The following KIAA1217 variants were observed in gnomAD, a reference collection of about 807,000 sequenced individuals.
The protein encoded by KIAA1217 is KIAA1217.
In KIAA1217, 88 loss-of-function variants were observed where a neutral mutation model predicts 163.9. That is an observed-to-expected ratio of 0.54 (90% CI 0.45 to 0.64). The LOEUF is 0.64. Among genes scored for constraint, KIAA1217 ranks in the 30% least tolerant of loss-of-function variants. The probability of loss-of-function intolerance (pLI) is 0.00; values close to 1 mark genes in which losing one functional copy is unlikely to be tolerated. For missense variants in KIAA1217, 2,372 were observed against 2,475.0 expected, an observed-to-expected ratio of 0.96 and a Z score of 0.88; for synonymous variants, 903 against 923.1, an observed-to-expected ratio of 0.98 and a Z score of 0.39.
chr10:23,998,959 G>T, intron 1 of KIAA1217, among the ~76,000 whole-genome samples: 1 of 106,022 alleles, frequency 9.4e-6, no homozygotes, highest in South Asian at 3.0e-4. Context: ...CACAACAGAT[G>T]GTATATTTGG....
chr10:24,298,510 G>A (rs897490651), intron 2 of KIAA1217, among the ~76,000 whole-genome samples: 11 of 152,122 alleles, frequency 7.2e-5, no homozygotes, highest in African/African-American at 2.7e-4. Flanking sequence ...AGAAATAGGA[G>A]TAGCGAGCCG....
At chr10:23,782,865 C>T (rs1419486406) in intron 1 of KIAA1217, among the ~76,000 whole-genome samples, 1 of 152,108 alleles carries the variant, frequency 6.6e-6, no homozygotes, top group Non-Finnish European at 1.5e-5. Context: ...AGTACTTCTA[C>T]TATTATGTTG....
At chr10:24,118,106 TCTATAACAAACCTGCA>T (rs2063130192) in intron 2 of KIAA1217, among the ~76,000 whole-genome samples, 1 of 149,398 alleles carries the variant, frequency 6.7e-6, no homozygotes, top group South Asian at 2.1e-4. Flanking sequence ...TGAATTTACC[TCTATAACAAACCTGCA>T]CATGTACCCC....
chr10:24,439,663 T>TC (rs1564682803), intron 5 of KIAA1217, among the ~76,000 whole-genome samples: 11 of 151,776 alleles, frequency 7.2e-5, no homozygotes, highest in African/African-American at 2.7e-4. Context: ...TTTTTTTTTT[T>TC]TCCCCCAACT....
chr10:24,100,545 CT>C (rs1349115252), intron 2 of KIAA1217, among the ~76,000 whole-genome samples: 1 of 152,154 alleles, frequency 6.6e-6, no homozygotes, highest in Non-Finnish European at 1.5e-5. Flanking sequence ...AAATAGGGTG[CT>C]TTCTCACTCT....
intron 1 of KIAA1217, among the ~76,000 whole-genome samples, chr10:23,747,102 T>C (rs988912151): frequency 6.6e-6 from 1 of 152,174 alleles, no homozygotes; most frequent in Non-Finnish European, 1.5e-5. Context: ...CTATCTCATT[T>C]GATAAAGCAC....
chr10:23,779,200 A>G (rs1180486994), intron 1 of KIAA1217, among the ~76,000 whole-genome samples: 1 of 152,190 alleles, frequency 6.6e-6, no homozygotes, highest in East Asian at 1.9e-4. Context: ...GTGGATCGCT[A>G]GAATTAGTAA....
chr10:24,136,269 C>T (rs2131820514), intron 2 of KIAA1217, among the ~76,000 whole-genome samples: 1 of 152,206 alleles, frequency 6.6e-6, no homozygotes, highest in Middle Eastern at 3.4e-3. Context: ...GTAATTGATG[C>T]TTGCAAAGAT....
intron 1 of KIAA1217, among the ~76,000 whole-genome samples, chr10:24,219,049 G>A (rs986701504): frequency 3.9e-5 from 6 of 152,074 alleles, no homozygotes; most frequent in African/African-American, 1.4e-4. Context: ...TTACAGACAA[G>A]GATAAGGAAT....
chr10:23,831,075 A>C (rs1253025301), intron 1 of KIAA1217, among the ~76,000 whole-genome samples: 1 of 152,080 alleles, frequency 6.6e-6, no homozygotes, highest in African/African-American at 2.4e-5. Context: ...TGACTCCTGA[A>C]TAATTACCAG....
In KIAA1217 at chr10:23,739,560, G is replaced by T. The variant is rs186508865; in HGVS notation, c.-321+44326G>T. 3.0e-3 allele frequency among the ~76,000 whole-genome samples: 455 copies of T among 152,262 alleles called. 3 individuals carry two copies. Among genetic ancestry groups the T allele is most frequent in the Non-Finnish European group, 2.0e-3 (136 of 68,014 alleles). Reference sequence around the variant, plus strand: ...GAGGGTGAGAAGTGATGTCAGAGAGGGACAAGGGATGAGGTCCAGTGAAAA... The same window carrying T: ...GAGGGTGAGAAGTGATGTCAGAGAGTGACAAGGGATGAGGTCCAGTGAAAA... On this transcript the variant is annotated intron_variant, in intron 1 of 18. Coordinates refer to the KIAA1217 transcript ENST00000376462.
chr10:23,980,801 T>A (rs1845732887), intron 1 of KIAA1217, among the ~76,000 whole-genome samples: 1 of 152,208 alleles, frequency 6.6e-6, no homozygotes, highest in Non-Finnish European at 1.5e-5. Context: ...TCTGTTATCA[T>A]CTTTACTTCT....
At chr10:24,357,563 T>C (rs537419543) in intron 2 of KIAA1217, among the ~76,000 whole-genome samples, 1 of 152,218 alleles carries the variant, frequency 6.6e-6, no homozygotes, top group African/African-American at 2.4e-5. Context: ...GAAGCAAGGA[T>C]GGAATGTCTT....
chr10:24,201,595 G>C (rs1231554679), intron 2 of KIAA1217, among the ~76,000 whole-genome samples: 3 of 152,060 alleles, frequency 2.0e-5, no homozygotes, highest in Non-Finnish European at 4.4e-5. Flanking sequence ...CTGCATGCCA[G>C]CACCCCCTCT....
chr10:24,100,466 T>A (rs1386717683), intron 2 of KIAA1217, among the ~76,000 whole-genome samples: 1 of 152,294 alleles, frequency 6.6e-6, no homozygotes, highest in African/African-American at 2.4e-5. Flanking sequence ...AAAATCAACA[T>A]AACTAACCAT....
chr10:24,504,338 G>T (rs760945095), intron 9 of KIAA1217, among the ~76,000 whole-genome samples: 3 of 152,252 alleles, frequency 2.0e-5, no homozygotes, highest in Non-Finnish European at 4.4e-5. Context: ...GCGCAGACTC[G>T]CAGGGAAAAA....
At position 24,546,518 on chromosome 10, in the gene KIAA1217, C is replaced by T; in HGVS notation, c.*194C>T. The T allele has an allele frequency of 1.6e-6, 1 of 612,506 alleles. No individual in the cohort carries two copies. The allele number at this position is 612,506 out of a possible 1,614,324, so 37.9% of individuals were successfully genotyped here. ...GTTTGGTTTTCTTTTTACCTAGTTG[C>T]TATAGTGTCTACAGTCTATACTCAA... On this transcript the variant is annotated 3_prime_UTR_variant, in exon 21 of 21. Coordinates refer to ENST00000376454, the MANE Select transcript of KIAA1217 (RefSeq NM_019590.5).
chr10:24,039,696 A>T (rs922730181), intron 2 of KIAA1217, among the ~76,000 whole-genome samples: 2 of 152,210 alleles, frequency 1.3e-5, no homozygotes, highest in African/African-American at 4.8e-5. Context: ...TTGTACGTCA[A>T]GGGACATTTG....
intron 2 of KIAA1217, among the ~76,000 whole-genome samples, chr10:24,314,564 T>C (rs1590879194): frequency 6.6e-6 from 1 of 152,208 alleles, no homozygotes; most frequent in Non-Finnish European, 1.5e-5. Flanking sequence ...TGTGTTTCTA[T>C]AAACCCCCCT....
Sources: gnomAD v4.1 joint callset for allele counts (sites outside exome capture counted in the v4.1 genomes callset) on GRCh38, gnomAD v4.1.1 for gene constraint, MANE v1.5 for transcripts, NCBI Gene and HGNC (gene_info 2026-07-23, HGNC 2026-07-21) for gene names.